Variants in PBX3 observed in about 807,000 individuals in gnomAD.
The protein encoded by PBX3 is pre-B-cell leukemia transcription factor 3.
PBX3 carries 14 observed loss-of-function variants against 48.5 expected under a neutral mutation model. That is an observed-to-expected ratio of 0.29 (90% CI 0.19 to 0.45). The LOEUF (loss-of-function observed/expected upper bound fraction) is 0.45. Among genes scored for constraint, PBX3 ranks in the 20% least tolerant of loss-of-function variants. The probability of loss-of-function intolerance (pLI) is 1.00; values close to 1 mark genes in which losing one functional copy is unlikely to be tolerated. For missense variants in PBX3, 386 were observed against 546.7 expected (o/e 0.71, Z 2.93); for synonymous variants, 210 against 200.3 (o/e 1.05, Z -0.41).
intron 2 of PBX3, among the ~76,000 whole-genome samples, chr9:125,786,005 A>C (rs1035950835): frequency 6.6e-6 from 1 of 151,722 alleles, no homozygotes; most frequent in African/African-American, 2.4e-5. Flanking sequence ...ATTTTCTAGC[A>C]TACTGAAAAA....
At chr9:125,896,060 A>G (rs1051093349) in intron 2 of PBX3, among the ~76,000 whole-genome samples, 9 of 152,070 alleles carry the variant, frequency 5.9e-5, no homozygotes, top group Admixed American at 5.2e-4. Context: ...TAGTGCTTTT[A>G]TTAAGGCATT....
Position 125,899,443 on chromosome 9 carries a change from A to G in PBX3, c.275-16243A>G, listed in dbSNP as rs1276640854. On this transcript the variant is annotated intron_variant, in intron 2 of 8. Transcript: ENST00000373489. ...TATGTATGTCTATATATATGTGTGT[A>G]TATATATATATAGAGAGAGAGAGAG... is the stretch of plus-strand genomic sequence containing the variant. 5.1e-3 allele frequency among the ~76,000 whole-genome samples: 294 copies of G among 57,916 alleles called. 8 individuals carry two copies. The highest frequency in any genetic ancestry group is 0.016 in the African/African-American group (221 of 13,630). The allele number at this position is 57,916 out of a possible 152,430, so 38.0% of individuals were successfully genotyped here. A position where few individuals can be genotyped will look rare whatever the true frequency, so the allele number is the denominator to read the frequency against.
intron 2 of PBX3, among the ~76,000 whole-genome samples, chr9:125,839,435 A>C (rs748114279): frequency 6.6e-6 from 1 of 152,198 alleles, no homozygotes; most frequent in Non-Finnish European, 1.5e-5. Context: ...CAGCAATTCA[A>C]TTAGAATGAG....
chr9:125,943,393 A>G lies in PBX3; in HGVS notation c.843+7786A>G, dbSNP rs1000608184. ...AAAAAAAAAAAAAAAAAAAAAAAAA[A>G]AAAAAAGAAAGGAGAGAGAATTTGC... On this transcript the variant is annotated intron_variant, in intron 5 of 8. Transcript: ENST00000373489. Among the ~76,000 whole-genome samples, 18 of 125,930 alleles carry G rather than the reference A, an allele frequency of 1.4e-4. 1 individual carries two copies. The highest frequency in any genetic ancestry group is 4.3e-4 in the Admixed American group (5 of 11,606). The allele number at this position is 125,930 out of a possible 152,430, so 82.6% of individuals were successfully genotyped here.
intron 2 of PBX3, among the ~76,000 whole-genome samples, chr9:125,893,818 G>A (rs1220042255): frequency 6.6e-6 from 1 of 152,146 alleles, no homozygotes; most frequent in East Asian, 1.9e-4. Flanking sequence ...CAGTGTATCT[G>A]TATTTCAGAT....
intron 2 of PBX3, among the ~76,000 whole-genome samples, chr9:125,825,805 C>T (rs1207333693): frequency 6.6e-6 from 1 of 152,166 alleles, no homozygotes; most frequent in African/African-American, 2.4e-5. Flanking sequence ...GTATTGCTAA[C>T]AAGTGTCCAT....
intron 2 of PBX3, among the ~76,000 whole-genome samples, chr9:125,866,292 G>A (rs10115938): frequency 0.71 from 107,760 of 152,096 alleles, 38,728 homozygotes; most frequent in African/African-American, 0.8. Context: ...TGTCAGTTTT[G>A]TCACATACTG....
chr9:125,747,543 C>G lies in PBX3; in HGVS notation c.90C>G (p.Pro30=), dbSNP rs1322662540. ...SVQGGMALPP[P]PHGHEGADGD... is the part of the protein sequence containing the mutation. Reference sequence around the variant, plus strand: ...AGGGGGGCATGGCCCTGCCGCCTCCCCCGCACGGCCACGAAGGGGCGGACG... The same window carrying G: ...AGGGGGGCATGGCCCTGCCGCCTCCGCCGCACGGCCACGAAGGGGCGGACG... The change falls in exon 1 of 9, where the codon CCC becomes CCG. Residue 30 remains proline (P), a synonymous_variant. Coordinates refer to ENST00000373489, the MANE Select transcript of PBX3 (RefSeq NM_006195.6). 1 of 1,605,562 alleles carries G rather than the reference C, an allele frequency of 6.2e-7. No homozygotes were observed. The highest frequency in any genetic ancestry group is 1.1e-5 in the South Asian group (1 of 90,338).
chr9:125,906,003 C>A (rs927115167), intron 2 of PBX3, among the ~76,000 whole-genome samples: 1 of 151,878 alleles, frequency 6.6e-6, no homozygotes, highest in South Asian at 2.1e-4. Flanking sequence ...TGAAGTTCAC[C>A]ATTGACTGAA....
At chr9:125,915,538 C>T (rs1003015600) in intron 2 of PBX3, 148 bp from the exon 3 acceptor site, 10 of 617,396 alleles carry the variant, frequency 1.6e-5, no homozygotes, top group African/African-American at 3.7e-5. Context: ...TCAAACTTAC[C>T]GATCAAATGT....
chr9:125,855,036 A>G (rs1825428171), intron 2 of PBX3, among the ~76,000 whole-genome samples: 1 of 152,222 alleles, frequency 6.6e-6, no homozygotes, highest in African/African-American at 2.4e-5. Flanking sequence ...GACTAAGTCA[A>G]ATTAAGTCAG....
At chr9:125,866,475 G>T (rs1839983365) in intron 2 of PBX3, among the ~76,000 whole-genome samples, 1 of 152,136 alleles carries the variant, frequency 6.6e-6, no homozygotes, top group African/African-American at 2.4e-5. Context: ...CCCTTGTGGG[G>T]TTTACATTCT....
chr9:125,827,233 A>C (rs1188147535), intron 2 of PBX3, among the ~76,000 whole-genome samples: 3 of 152,190 alleles, frequency 2.0e-5, no homozygotes, highest in Non-Finnish European at 2.9e-5. Flanking sequence ...TGTAGGGTAT[A>C]TGGACTTTTT....
Position 125,748,617 on chromosome 9 carries a change from A to C in PBX3, c.268A>C (p.Lys90Gln). The change falls in exon 2 of 9, where the codon AAA becomes CAA. Residue 90 changes from lysine (K) to glutamine (Q), a missense_variant. Physicochemically the swap from Lys to Gln is moderately conservative, Grantham distance 53. This residue lies in a region of PBX3 where 69 missense variants were observed against 99.1 expected (regional missense o/e 0.70). Coordinates refer to ENST00000373489, the MANE Select transcript of PBX3 (RefSeq NM_006195.6). ...LFSVLCEIKE[K>Q]TGLSIRGAQE... is the part of the protein sequence containing the mutation. ...CAGCGTCCTGTGTGAGATCAAAGAG[A>C]AAACAGGTAAGACGCTGCGCCCCGC... is the stretch of plus-strand genomic sequence containing the variant. 1 of 1,613,214 alleles carries C rather than the reference A, an allele frequency of 6.2e-7. No individual in the cohort carries two copies. The highest frequency in any genetic ancestry group is 8.5e-7 in the Non-Finnish European group (1 of 1,179,682).
At chr9:125,922,971 T>C (rs891433047) in intron 3 of PBX3, among the ~76,000 whole-genome samples, 3 of 152,242 alleles carry the variant, frequency 2.0e-5, no homozygotes, top group Admixed American at 6.5e-5. Context: ...GCACACTACA[T>C]AAATGAGTTG....
chr9:125,806,053 A>G (rs1365616855), intron 2 of PBX3, among the ~76,000 whole-genome samples: 3 of 152,196 alleles, frequency 2.0e-5, no homozygotes, highest in Non-Finnish European at 2.9e-5. Context: ...TTGGAGAAAA[A>G]CAAGGAAGTG....
intron 2 of PBX3, among the ~76,000 whole-genome samples, chr9:125,886,456 G>A (rs1190728020): frequency 6.6e-6 from 1 of 152,072 alleles, no homozygotes; most frequent in Non-Finnish European, 1.5e-5. Flanking sequence ...ACTGCCCATG[G>A]ATTGTTCTTG....
At chr9:125,927,589 C>T (rs1010617154) in intron 3 of PBX3, among the ~76,000 whole-genome samples, 2 of 152,206 alleles carry the variant, frequency 1.3e-5, no homozygotes, top group African/African-American at 4.8e-5. Context: ...CCATCAGGGA[C>T]ACCCGTGCAG....
intron 2 of PBX3, among the ~76,000 whole-genome samples, chr9:125,875,241 A>G (rs1840221513): frequency 6.6e-6 from 1 of 152,090 alleles, no homozygotes; most frequent in Admixed American, 6.6e-5. Flanking sequence ...TCATTTCTTT[A>G]TACATGTTTT....
Sources: allele counts gnomAD v4.1 joint callset (sites outside exome capture counted in the v4.1 genomes callset), GRCh38; gene constraint gnomAD v4.1.1; regional missense constraint gnomAD v4.1.1; transcripts MANE v1.5; gene names NCBI Gene and HGNC (gene_info 2026-07-23, HGNC 2026-07-21).